The following FBXO40 variants were observed in gnomAD, a reference collection of about 807,000 sequenced individuals.
The protein encoded by FBXO40 is F-box protein 40.
A neutral mutation model predicts 49.9 loss-of-function variants in FBXO40; 50 were observed. That is an observed-to-expected ratio of 1.00 (90% confidence interval 0.80 to 1.27). The LOEUF (loss-of-function observed/expected upper bound fraction) is 1.27. FBXO40 is among the 50% of genes most tolerant of loss of function. The probability of loss-of-function intolerance (pLI) is 0.00; values close to 1 mark genes in which losing one functional copy is unlikely to be tolerated. For synonymous variants in FBXO40, 340 were observed against 320.2 expected, an observed-to-expected ratio of 1.06 and a Z score of -0.66; for missense variants, 895 against 870.1, an observed-to-expected ratio of 1.03 and a Z score of -0.36.
chr3:121,593,812 A>T (rs1323889548), intron 1 of FBXO40, among the ~76,000 whole-genome samples: 1 of 152,008 alleles, frequency 6.6e-6, no homozygotes, highest in Non-Finnish European at 1.5e-5. Context: ...GGATCTGGGG[A>T]AGTGGAGGAG....
At chr3:121,604,048 G>A (rs2048918138) in intron 1 of FBXO40, among the ~76,000 whole-genome samples, 2 of 152,214 alleles carry the variant, frequency 1.3e-5, no homozygotes, top group South Asian at 4.1e-4. Flanking sequence ...CAGAGGCCTG[G>A]TAAATAGGGG....
At chr3:121,599,418 A>G (rs899676954) in intron 1 of FBXO40, among the ~76,000 whole-genome samples, 1 of 151,022 alleles carries the variant, frequency 6.6e-6, no homozygotes, top group African/African-American at 2.4e-5. Flanking sequence ...CAGTAAGCCA[A>G]GATCGTGCCA....
In FBXO40 at chr3:121,627,036, A is replaced by T. The variant is rs2049065441; in HGVS notation, c.*126A>T. On this transcript the variant is annotated 3_prime_UTR_variant, in exon 4 of 4. Coordinates refer to ENST00000338040, the MANE Select transcript of FBXO40 (RefSeq NM_016298.4). ...CTATTTGCTTATCGGGGTGTATTGG[A>T]ACACGCAATGTCCTTCGAAACCTCA... The T allele has an allele frequency of 2.5e-6, 2 of 809,678 alleles. No individual in the cohort carries two copies. Among genetic ancestry groups the T allele is most frequent in the South Asian group, 3.3e-5 (2 of 60,700 alleles). 50.2% of individuals were successfully genotyped at this position (809,678 alleles called of 1,614,324 possible). A position where few individuals can be genotyped will look rare whatever the true frequency, so the allele number is the denominator to read the frequency against.
intron 3 of FBXO40, 36 bp downstream of exon 3, chr3:121,623,379 G>A: frequency 6.4e-7 from 1 of 1,553,502 alleles, no homozygotes; most frequent in African/African-American, 1.4e-5. Context: ...GACTCATTCA[G>A]CAATTTTTTG....
At chr3:121,595,074 T>C (rs2048864585) in intron 1 of FBXO40, among the ~76,000 whole-genome samples, 1 of 152,204 alleles carries the variant, frequency 6.6e-6, no homozygotes, top group African/African-American at 2.4e-5. Context: ...CACTCTGACC[T>C]TTGATGTGTA....
At chr3:121,601,009 C>T (rs1265606537) in intron 1 of FBXO40, among the ~76,000 whole-genome samples, 1 of 152,142 alleles carries the variant, frequency 6.6e-6, no homozygotes, top group Non-Finnish European at 1.5e-5. Context: ...TTTGGGGCAA[C>T]ACCAGTTGGT....
rs2049084850 is a variant in FBXO40, at chr3:121,630,020, G to A, written c.*3110G>A. The A allele has an allele frequency of 6.6e-6, 1 of 152,222 alleles. No individual in the cohort carries two copies. The highest frequency in any genetic ancestry group is 2.1e-4 in the South Asian group (1 of 4,830). 9.4% of individuals were successfully genotyped at this position (152,222 alleles called of 1,614,324 possible). ...TAGAGATCAGCCGAATATGGAGGCT[G>A]AGGTCTGTAGAACTGGGCCAGAGAG... On this transcript the variant is annotated 3_prime_UTR_variant, in exon 4 of 4. Coordinates refer to ENST00000338040, the MANE Select transcript of FBXO40 (RefSeq NM_016298.4).
At chr3:121,599,729 T>A (rs866970371) in intron 1 of FBXO40, among the ~76,000 whole-genome samples, 18,401 of 105,856 alleles carry the variant, frequency 0.17, 1,825 homozygotes, top group Admixed American at 0.31. Flanking sequence ...TATATATTTT[T>A]TTTTTTTTTT....
rs11455375 is a variant in FBXO40 at position 121,623,688 on chromosome 3, C to CTTT, written c.1914+360_1914+362dup. Among the ~76,000 whole-genome samples, 126 of 128,948 alleles carry CTTT rather than the reference C, an allele frequency of 9.8e-4. 1 individual carries two copies. Among genetic ancestry groups the CTTT allele is most frequent in the Non-Finnish European group, 1.4e-3 (87 of 62,614 alleles). 84.6% of individuals were successfully genotyped at this position (128,948 alleles called of 152,430 possible). ...GGCCTTAACAAATATTTTTAAAGGCCTTTTTTTTTTTTTTTTTGAGAAGGA... is the reference window on the plus strand; with the variant it reads ...GGCCTTAACAAATATTTTTAAAGGCCTTTTTTTTTTTTTTTTTTTTGAGAAGGA... On this transcript the variant is annotated intron_variant, in intron 3 of 3. Transcript: ENST00000338040.
At chr3:121,599,468 CAAAA>C (rs35637771) in intron 1 of FBXO40, among the ~76,000 whole-genome samples, 3 of 91,650 alleles carry the variant, frequency 3.3e-5, no homozygotes, top group Non-Finnish European at 2.1e-5. Context: ...GACTCTGACT[CAAAA>C]AAAAAAAAAA....
At chr3:121,625,551 A>C (rs2049057490) in intron 3 of FBXO40, among the ~76,000 whole-genome samples, 1 of 152,256 alleles carries the variant, frequency 6.6e-6, no homozygotes, top group South Asian at 2.1e-4. Context: ...CGTATTAGGA[A>C]GAAACATGAA....
chr3:121,599,193 G>T (rs1010773665), intron 1 of FBXO40, among the ~76,000 whole-genome samples: 1 of 151,950 alleles, frequency 6.6e-6, no homozygotes, highest in Non-Finnish European at 1.5e-5. Context: ...AGGGGCCAGG[G>T]GTGGTGGCTC....
chr3:121,620,687 T>A, intron 2 of FBXO40, 109 bp downstream of exon 2: 2 of 1,374,918 alleles, frequency 1.5e-6, no homozygotes, highest in South Asian at 2.5e-5. Flanking sequence ...TTTGATGATA[T>A]TTATCAACTT....
In FBXO40 at chr3:121,620,529, T is replaced by A; in HGVS notation, c.-30-17T>A. The A allele has an allele frequency of 1.2e-6, 2 of 1,612,442 alleles. No individual in the cohort carries two copies. Among genetic ancestry groups the A allele is most frequent in the Non-Finnish European group, 8.5e-7 (1 of 1,178,628 alleles). On this transcript the variant is annotated splice_polypyrimidine_tract_variant and intron_variant, in intron 1 of 3. Coordinates refer to ENST00000338040, the MANE Select transcript of FBXO40 (RefSeq NM_016298.4). ...CTGTTTTTCTTACTAATTATTTATA[T>A]TCATATTTTCCCGTAGAGCTAAGAA...
intron 1 of FBXO40, among the ~76,000 whole-genome samples, chr3:121,609,373 T>G (rs2048952293): frequency 6.6e-6 from 1 of 151,138 alleles, no homozygotes; most frequent in African/African-American, 2.4e-5. Context: ...TTCTCTTTAG[T>G]TGGGCTAGCA....
At position 121,623,093 on chromosome 3, in the gene FBXO40, A is replaced by C; in HGVS notation, c.1664A>C (p.Glu555Ala). The C allele has an allele frequency of 6.2e-7, 1 of 1,614,230 alleles. No homozygotes were observed. Among genetic ancestry groups the C allele is most frequent in the Non-Finnish European group, 8.5e-7 (1 of 1,180,048 alleles). ...CCGGAGGTTGCTCCAGAGCTGAGCGAGGGAAGGAAGAACAACCATCTTTTG... is the reference window on the plus strand; with the variant it reads ...CCGGAGGTTGCTCCAGAGCTGAGCGCGGGAAGGAAGAACAACCATCTTTTG... Reference protein sequence around the residue: ...IKPEVAPELSEGRKNNHLLGH... With the variant: ...IKPEVAPELSAGRKNNHLLGH... The change falls in exon 3 of 4, where the codon GAG becomes GCG. Residue 555 changes from glutamate (E) to alanine (A), a missense_variant. By Grantham distance (107) the Glu-to-Ala change is moderately radical (BLOSUM62 -1). Transcript: ENST00000338040.
chr3:121,615,583 A>G (rs1302923393), intron 1 of FBXO40, among the ~76,000 whole-genome samples: 2 of 151,550 alleles, frequency 1.3e-5, no homozygotes, highest in African/African-American at 4.8e-5. Flanking sequence ...AAAAAAGAAG[A>G]AGAAGAAAGA....
intron 1 of FBXO40, among the ~76,000 whole-genome samples, chr3:121,619,546 A>G (rs1171265701): frequency 1.3e-5 from 2 of 152,224 alleles, no homozygotes; most frequent in East Asian, 3.8e-4. Flanking sequence ...TATATTATGT[A>G]GTAAAATATT....
At chr3:121,615,686 CCAT>C (rs1282774078) in intron 1 of FBXO40, among the ~76,000 whole-genome samples, 1 of 152,112 alleles carries the variant, frequency 6.6e-6, no homozygotes, top group Non-Finnish European at 1.5e-5. Context: ...TTATTGAACA[CCAT>C]CAATCTTTTA....
Sources: gnomAD v4.1 joint callset for allele counts (sites outside exome capture counted in the v4.1 genomes callset) on GRCh38, gnomAD v4.1.1 for gene constraint, MANE v1.5 for transcripts, NCBI Gene and HGNC (gene_info 2026-07-23, HGNC 2026-07-21) for gene names.